SOX5: variants seen among roughly 807,000 people sequenced by gnomAD.
The protein encoded by SOX5 is transcription factor SOX-5.
SOX5 carries 9 observed loss-of-function variants against 92.0 expected under a neutral mutation model. That is an observed-to-expected ratio of 0.10 (90% CI 0.06 to 0.17). The LOEUF is 0.17. Among genes scored for constraint, SOX5 ranks in the 10% least tolerant of loss-of-function variants. SOX5 has a pLI of 1.00. For synonymous variants in SOX5, 344 were observed against 336.3 expected (o/e 1.02, Z -0.25); for missense variants, 642 against 944.5 (o/e 0.68, Z 4.20).
chr12:24,295,853 G>T (rs558436137), intron 2 of SOX5, among the ~76,000 whole-genome samples: 1 of 152,086 alleles, frequency 6.6e-6, no homozygotes, highest in Admixed American at 6.6e-5. Flanking sequence ...ATGAGCCACC[G>T]CACCTGGCCT....
intron 4 of SOX5, among the ~76,000 whole-genome samples, chr12:24,067,767 G>C (rs1308869512): frequency 6.6e-6 from 1 of 152,168 alleles, no homozygotes; most frequent in South Asian, 2.1e-4. Context: ...GGAAGAGAGC[G>C]AGAAAGGGGA....
intron 1 of SOX5, among the ~76,000 whole-genome samples, chr12:24,484,219 A>T (rs1946291091): frequency 6.6e-6 from 1 of 152,110 alleles, no homozygotes; most frequent in African/African-American, 2.4e-5. Context: ...TCGACTCATT[A>T]ATCTTGTTAC....
intron 1 of SOX5, among the ~76,000 whole-genome samples, chr12:23,922,980 G>C (rs1298840684): frequency 1.3e-5 from 2 of 148,828 alleles, no homozygotes; most frequent in Non-Finnish European, 3.0e-5. Context: ...GAGTCTCACT[G>C]TGTCACCCAG....
At chr12:24,519,665 C>T (rs564804537) in intron 1 of SOX5, among the ~76,000 whole-genome samples, 3 of 152,148 alleles carry the variant, frequency 2.0e-5, no homozygotes, top group Non-Finnish European at 4.4e-5. Context: ...TAAGGTTCAA[C>T]AGGCAGGGGA....
chr12:23,904,111 G>A (rs1448771935), intron 1 of SOX5, among the ~76,000 whole-genome samples: 1 of 151,936 alleles, frequency 6.6e-6, no homozygotes, highest in Admixed American at 6.6e-5. Flanking sequence ...TTTCTAAGTT[G>A]AGAGTTTACT....
rs562844295 is a variant in SOX5, at chr12:23,559,140, T to C, written c.1488+4118A>G. Among the ~76,000 whole-genome samples, 12 of 152,310 alleles carry C rather than the reference T, an allele frequency of 7.9e-5. No individual in the cohort carries two copies. The East Asian group carries it at 2.3e-3, about 29-fold the overall frequency. On this transcript the variant is annotated intron_variant, in intron 11 of 14. Transcript: ENST00000451604. ...AAAAACTGAGCTTTTTATAATCTCT[T>C]ATTAATATGGATACTTTCAAACACA...
intron 1 of SOX5, among the ~76,000 whole-genome samples, chr12:23,898,258 A>T (rs1156742902): frequency 6.6e-6 from 1 of 152,144 alleles, no homozygotes; most frequent in Non-Finnish European, 1.5e-5. Context: ...CTATAAGGAG[A>T]TTATCCCTTT....
chr12:24,160,907 C>T (rs1449728787), intron 4 of SOX5, among the ~76,000 whole-genome samples: 1 of 152,106 alleles, frequency 6.6e-6, no homozygotes, highest in Non-Finnish European at 1.5e-5. Flanking sequence ...TGCACACACA[C>T]TCCTCCCTTT....
At chr12:24,373,635 T>C (rs372932681) in intron 1 of SOX5, among the ~76,000 whole-genome samples, 10 of 152,350 alleles carry the variant, frequency 6.6e-5, no homozygotes, top group African/African-American at 2.4e-4. Flanking sequence ...GATATATGCA[T>C]ATGGGTGTAT....
chr12:24,053,979 C>T (rs1957852274), intron 4 of SOX5, among the ~76,000 whole-genome samples: 1 of 152,172 alleles, frequency 6.6e-6, no homozygotes, highest in African/African-American at 2.4e-5. Flanking sequence ...CAGAGATTCT[C>T]CCCCAAGCTC....
rs561855545 is a variant in SOX5 at position 24,318,440 on chromosome 12, G to C, written c.-173-41128C>G. The stretch of plus-strand genomic sequence containing the variant: ...GTAGGCTGAGAGACGGTACATCTAT[G>C]ACATAGATGAGCCTGTGTTCTTGAA... On this transcript the variant is annotated intron_variant, in intron 2 of 4. Coordinates refer to the SOX5 transcript ENST00000446891. 7.0e-4 allele frequency among the ~76,000 whole-genome samples: 107 copies of C among 152,256 alleles called. 2 individuals are homozygous for C. The highest frequency in any genetic ancestry group is 2.3e-3 in the African/African-American group (97 of 41,562).
intron 2 of SOX5, among the ~76,000 whole-genome samples, chr12:23,864,777 T>C (rs1184639009): frequency 4.6e-5 from 7 of 152,122 alleles, no homozygotes; most frequent in African/African-American, 1.7e-4. Context: ...AAGATAATAA[T>C]GCAAAGTGAA....
chr12:23,669,821 G>A (rs1036984431), intron 6 of SOX5, among the ~76,000 whole-genome samples: 2 of 152,130 alleles, frequency 1.3e-5, no homozygotes, highest in African/African-American at 4.8e-5. Context: ...CTACGGTTTT[G>A]GATATGACGT....
intron 6 of SOX5, among the ~76,000 whole-genome samples, chr12:23,709,180 C>T (rs1054134266): frequency 5.3e-5 from 8 of 152,258 alleles, no homozygotes; most frequent in African/African-American, 1.9e-4. Flanking sequence ...GAGCTCACTT[C>T]AGCCTCTAAC....
chr12:23,586,284 C>T (rs1950727653), intron 9 of SOX5, among the ~76,000 whole-genome samples: 1 of 152,028 alleles, frequency 6.6e-6, no homozygotes, highest in Non-Finnish European at 1.5e-5. Flanking sequence ...TTGTTTTTCC[C>T]CCAAGTGGTA....
chr12:24,261,623 A>G lies in SOX5; in HGVS notation c.-77+15593T>C, dbSNP rs115502331. Reference sequence around the variant, plus strand: ...GGCACCTCACTATTCACCAAATTAGACAAGATTAGCAGGTGGAATTTAATG... The same window carrying G: ...GGCACCTCACTATTCACCAAATTAGGCAAGATTAGCAGGTGGAATTTAATG... On this transcript the variant is annotated intron_variant, in intron 3 of 4. Coordinates refer to the SOX5 transcript ENST00000446891. Among the ~76,000 whole-genome samples the G allele has an allele frequency of 2.6e-3, 403 of 152,310 alleles. 3 individuals carry two copies. Among genetic ancestry groups the G allele is most frequent in the African/African-American group, 9.0e-3 (374 of 41,564 alleles).
chr12:23,873,716 C>A (rs1441197736), intron 2 of SOX5, among the ~76,000 whole-genome samples: 7 of 152,094 alleles, frequency 4.6e-5, no homozygotes, highest in South Asian at 2.1e-4. Flanking sequence ...ATTTTCTTTT[C>A]TTTGCCGCAA....
At position 23,990,373 on chromosome 12, in the gene SOX5, T is replaced by G. The variant is rs1950458579; in HGVS notation, c.-1-94349A>C. Among the ~76,000 whole-genome samples, 3 of 152,300 alleles carry G rather than the reference T, an allele frequency of 2.0e-5. No individual in the cohort carries two copies. In the South Asian group the frequency reaches 6.2e-4, roughly 32 times the overall value. On this transcript the variant is annotated intron_variant, in intron 4 of 4. Coordinates refer to the SOX5 transcript ENST00000446891. ...GTGTGGCAATCAAGGACCTTGACGA[T>G]CTAATCACTGCCTTTTCCTCTAGGC...
At chr12:24,234,488 C>T (rs2139983388) in intron 3 of SOX5, among the ~76,000 whole-genome samples, 1 of 152,226 alleles carries the variant, frequency 6.6e-6, no homozygotes, top group East Asian at 1.9e-4. Flanking sequence ...AGCAATTTTC[C>T]TGCCTCAGCC....
Sources: gnomAD v4.1 joint callset for allele counts (sites outside exome capture counted in the v4.1 genomes callset) on GRCh38, gnomAD v4.1.1 for gene constraint, MANE v1.5 for transcripts, NCBI Gene and HGNC (gene_info 2026-07-23, HGNC 2026-07-21) for gene names.